The following DNAJC1 variants were observed in gnomAD, a reference collection of about 807,000 sequenced individuals.
DNAJC1 encodes the protein dnaJ homolog subfamily C member 1.
Under a neutral mutation model 76.6 loss-of-function variants are expected in DNAJC1, and 58 were observed. That is an observed-to-expected ratio of 0.76 (90% CI 0.61 to 0.94). The LOEUF is 0.94. Ranked by LOEUF, DNAJC1 falls within the 40% of genes least tolerant of loss-of-function variation. The probability of loss-of-function intolerance (pLI) is 0.00; values close to 1 mark genes in which losing one functional copy is unlikely to be tolerated. For synonymous variants in DNAJC1, 258 were observed against 267.9 expected, an observed-to-expected ratio of 0.96 and a Z score of 0.36; for missense variants, 689 against 677.3, an observed-to-expected ratio of 1.02 and a Z score of -0.19.
At chr10:21,995,076 T>TAC (rs1365428059) in intron 1 of DNAJC1, among the ~76,000 whole-genome samples, 1 of 151,818 alleles carries the variant, frequency 6.6e-6, no homozygotes, top group Non-Finnish European at 1.5e-5. Context: ...TAATTGAAAA[T>TAC]AACTGCCAAT....
intron 3 of DNAJC1, among the ~76,000 whole-genome samples, chr10:21,927,637 C>T (rs1316001527): frequency 2.6e-5 from 4 of 152,030 alleles, no homozygotes; most frequent in Non-Finnish European, 4.4e-5. Context: ...ACTAGTCTAG[C>T]CTAGAATAGA....
At chr10:21,941,280 A>AC (rs1837406661) in intron 1 of DNAJC1, among the ~76,000 whole-genome samples, 1 of 149,454 alleles carries the variant, frequency 6.7e-6, no homozygotes, top group Non-Finnish European at 1.5e-5. Context: ...AAAAAAAAAA[A>AC]AAAAAAAAAA....
intron 8 of DNAJC1, among the ~76,000 whole-genome samples, chr10:21,822,261 AAACC>A (rs1432104344): frequency 1.6e-4 from 25 of 152,150 alleles, no homozygotes; most frequent in African/African-American, 3.6e-4. Context: ...CAACATGGTG[AAACC>A]CCATCTCTAC....
At chr10:21,991,124 T>C (rs1486484844) in intron 1 of DNAJC1, among the ~76,000 whole-genome samples, 2 of 152,090 alleles carry the variant, frequency 1.3e-5, no homozygotes, top group African/African-American at 4.8e-5. Context: ...TCAAAATAGA[T>C]GACAGGAAAG....
intron 8 of DNAJC1, among the ~76,000 whole-genome samples, chr10:21,832,755 C>T (rs1835381556): frequency 6.6e-6 from 1 of 152,178 alleles, no homozygotes. Flanking sequence ...ATCTTATATA[C>T]TTTTGCAGTG....
intron 8 of DNAJC1, among the ~76,000 whole-genome samples, chr10:21,861,822 A>C (rs1231340752): frequency 1.3e-5 from 2 of 152,202 alleles, no homozygotes; most frequent in Non-Finnish European, 2.9e-5. Context: ...GCATATCATC[A>C]AGAAATAACC....
intron 1 of DNAJC1, among the ~76,000 whole-genome samples, chr10:21,977,824 CTT>C (rs1306671894): frequency 6.6e-6 from 1 of 152,086 alleles, no homozygotes; most frequent in Non-Finnish European, 1.5e-5. Context: ...TGTTTTCTCT[CTT>C]TTGGAAAGCT....
intron 1 of DNAJC1, among the ~76,000 whole-genome samples, chr10:21,933,896 C>T (rs1410252788): frequency 1.3e-5 from 2 of 151,958 alleles, no homozygotes; most frequent in Non-Finnish European, 2.9e-5. Context: ...AAGTATAGTA[C>T]ATACAATTAT....
At chr10:21,876,296 G>A (rs916320032) in intron 8 of DNAJC1, among the ~76,000 whole-genome samples, 3 of 151,904 alleles carry the variant, frequency 2.0e-5, no homozygotes, top group African/African-American at 4.8e-5. Context: ...TTTTTTGGTG[G>A]AGGTGGGGTT....
At chr10:21,794,782 A>G (rs985522022) in intron 9 of DNAJC1, among the ~76,000 whole-genome samples, 2 of 152,074 alleles carry the variant, frequency 1.3e-5, no homozygotes, top group African/African-American at 4.8e-5. Context: ...AAAAAGACAA[A>G]CCACACAGTG....
chr10:21,831,359 C>A (rs570881916), intron 8 of DNAJC1, among the ~76,000 whole-genome samples: 4 of 152,324 alleles, frequency 2.6e-5, no homozygotes, highest in Admixed American at 2.6e-4. Flanking sequence ...ACCCCAGGCA[C>A]TAACACTTAT....
At chr10:21,919,263 C>A (rs916193196) in intron 5 of DNAJC1, among the ~76,000 whole-genome samples, 1 of 151,938 alleles carries the variant, frequency 6.6e-6, no homozygotes, top group East Asian at 1.9e-4. Context: ...GTGCTGACAA[C>A]CAGATATGAA....
chr10:21,771,833 T>C (rs548931996), intron 9 of DNAJC1, among the ~76,000 whole-genome samples: 266 of 152,344 alleles, frequency 1.7e-3, no homozygotes, highest in Non-Finnish European at 3.0e-3. Flanking sequence ...GTGATACTGC[T>C]TTTTATTCTA....
intron 6 of DNAJC1, among the ~76,000 whole-genome samples, chr10:21,905,762 T>C (rs1352619729): frequency 6.6e-6 from 1 of 152,066 alleles, no homozygotes; most frequent in Non-Finnish European, 1.5e-5. Flanking sequence ...CTGAAATATG[T>C]GAGAAACCTA....
chr10:21,767,029 C>T (rs1834309027), intron 9 of DNAJC1, among the ~76,000 whole-genome samples: 2 of 150,304 alleles, frequency 1.3e-5, no homozygotes, highest in South Asian at 4.2e-4. Context: ...ATTTTTTAAA[C>T]CTAGAATTTC....
intron 1 of DNAJC1, among the ~76,000 whole-genome samples, chr10:21,941,281 A>AC (rs1400935334): frequency 2.2e-4 from 33 of 149,466 alleles, no homozygotes; most frequent in Admixed American, 2.1e-3. Context: ...AAAAAAAAAA[A>AC]AAAAAAAAAA....
chr10:21,837,912 G>A (rs1433687356), intron 8 of DNAJC1, among the ~76,000 whole-genome samples: 17 of 147,666 alleles, frequency 1.2e-4, no homozygotes, highest in African/African-American at 4.2e-4. Context: ...CGTCCGGGAG[G>A]GAGGTGGCGG....
rs150526235 is a variant in DNAJC1 at position 21,892,009 on chromosome 10, T to C, written c.821-9570A>G. Among the ~76,000 whole-genome samples, 752 of 152,172 alleles carry C rather than the reference T, an allele frequency of 4.9e-3. 9 individuals carry two copies. The highest frequency in any genetic ancestry group is 0.017 in the African/African-American group (722 of 41,526). On this transcript the variant is annotated intron_variant, in intron 7 of 11. Coordinates refer to ENST00000376980, the MANE Select transcript of DNAJC1 (RefSeq NM_022365.4). ...ATAAAGAAAATACTCAAGACAATGA[T>C]ACTATAAATAAAGAAGGTAAAGGGA...
intron 3 of DNAJC1, 24 bp from the exon 4 acceptor site, chr10:21,920,987 T>G (rs775663761): frequency 2.7e-6 from 4 of 1,505,236 alleles, no homozygotes; most frequent in Non-Finnish European, 3.6e-6. Context: ...ATAACAGTTT[T>G]TCACGGGGAG....
Sources: allele counts gnomAD v4.1 joint callset (sites outside exome capture counted in the v4.1 genomes callset), GRCh38; gene constraint gnomAD v4.1.1; transcripts MANE v1.5; gene names NCBI Gene and HGNC (gene_info 2026-07-23, HGNC 2026-07-21).